Variants in KIDINS220 observed in about 807,000 individuals in gnomAD.
KIDINS220 encodes kinase D interacting substrate 220.
KIDINS220 carries 63 observed loss-of-function variants against 157.6 expected under a neutral mutation model. That is an observed-to-expected ratio of 0.40 (90% confidence interval 0.33 to 0.49). The LOEUF is 0.49. Ranked by LOEUF, KIDINS220 falls within the 20% of genes least tolerant of loss-of-function variation. KIDINS220 has a pLI of 0.66. For synonymous variants in KIDINS220, 732 were observed against 783.6 expected (o/e 0.93, Z 1.10); for missense variants, 1,772 against 2,171.2 (o/e 0.82, Z 3.65).
intron 1 of KIDINS220, among the ~76,000 whole-genome samples, chr2:8,833,135 C>T (rs996698736): frequency 5.3e-5 from 8 of 152,182 alleles, no homozygotes; most frequent in Non-Finnish European, 1.0e-4. Context: ...TGCTGCTGAA[C>T]ACTACAGCTT....
intron 1 of KIDINS220, among the ~76,000 whole-genome samples, chr2:8,828,392 C>T (rs1679135428): frequency 6.6e-6 from 1 of 152,226 alleles, no homozygotes; most frequent in Admixed American, 6.5e-5. Flanking sequence ...GTCCTGCTTT[C>T]ACTGCTCTCC....
intron 4 of KIDINS220, among the ~76,000 whole-genome samples, chr2:8,813,995 C>A (rs1198070573): frequency 6.6e-6 from 1 of 152,172 alleles, no homozygotes; most frequent in Non-Finnish European, 1.5e-5. Flanking sequence ...TCACTTCTTT[C>A]TATGAATTTA....
At chr2:8,813,928 A>T (rs1048067838) in intron 4 of KIDINS220, among the ~76,000 whole-genome samples, 50 of 152,066 alleles carry the variant, frequency 3.3e-4, no homozygotes, top group African/African-American at 1.1e-3. Context: ...CATCTCAAAT[A>T]AAAAAAAATT....
rs1478790272 is a variant in KIDINS220, at chr2:8,744,428, A to ATC, written c.3585+2716_3585+2717insGA. On this transcript the variant is annotated intron_variant, in intron 26 of 29. Transcript: ENST00000256707. ...TATATATATATATATATATATATATATATATATATATATATATGGGATCAT... is the reference window on the plus strand; with the variant it reads ...TATATATATATATATATATATATATATCTATATATATATATATATGGGATCAT... 6.7e-4 allele frequency among the ~76,000 whole-genome samples: 67 copies of ATC among 100,196 alleles called. 2 individuals carry two copies. The highest frequency in any genetic ancestry group is 9.4e-4 in the Non-Finnish European group (48 of 51,276). 65.7% of individuals were successfully genotyped at this position (100,196 alleles called of 152,430 possible).
At chr2:8,758,286 T>A (rs1668298142) in intron 22 of KIDINS220, among the ~76,000 whole-genome samples, 2 of 152,164 alleles carry the variant, frequency 1.3e-5, no homozygotes, top group Admixed American at 6.5e-5. Flanking sequence ...ATCCCCAAAT[T>A]AAAATCCTCA....
At chr2:8,753,444 T>C (rs961949301) in intron 22 of KIDINS220, among the ~76,000 whole-genome samples, 1 of 152,206 alleles carries the variant, frequency 6.6e-6, no homozygotes, top group African/African-American at 2.4e-5. Flanking sequence ...TGGAAAATTT[T>C]AGAACTGATG....
intron 22 of KIDINS220, among the ~76,000 whole-genome samples, chr2:8,753,585 C>T (rs985993345): frequency 6.6e-6 from 1 of 152,198 alleles, no homozygotes; most frequent in African/African-American, 2.4e-5. Flanking sequence ...GTTTAAAAAT[C>T]ACTGGATATA....
At position 8,734,263 on chromosome 2, in the gene KIDINS220, C is replaced by T. The variant is rs554387956; in HGVS notation, c.3816+392G>A. On this transcript the variant is annotated intron_variant, in intron 28 of 29. Transcript: ENST00000256707. Reference sequence around the variant, plus strand: ...TTTGATCAAATACTGAGGGTGATCACACATGTAAACTGACTTAACAGGATT... The same window carrying T: ...TTTGATCAAATACTGAGGGTGATCATACATGTAAACTGACTTAACAGGATT... Among the ~76,000 whole-genome samples the T allele has an allele frequency of 4.6e-5, 7 of 152,240 alleles. 1 individual carries two copies. Among genetic ancestry groups the T allele is most frequent in the African/African-American group, 1.7e-4 (7 of 41,540 alleles).
At chr2:8,773,046 A>ATTAAACACACAGAT (rs1310859467) in intron 21 of KIDINS220, among the ~76,000 whole-genome samples, 1 of 152,274 alleles carries the variant, frequency 6.6e-6, no homozygotes, top group African/African-American at 2.4e-5. Flanking sequence ...TCAAAATTTC[A>ATTAAACACACAGAT]TTAAACACAC....
At position 8,751,500 on chromosome 2, in the gene KIDINS220, T is replaced by C. The variant is rs749661551; in HGVS notation, c.3156A>G (p.Val1052=). The change falls in exon 23 of 30, where the codon GTA becomes GTG. Residue 1052 remains valine (V), a synonymous_variant. Coordinates refer to ENST00000256707, the MANE Select transcript of KIDINS220 (RefSeq NM_020738.4). ...TTTCCCGTAGTTTGGGATCTAGGTT[T>C]ACAGTGCATGGCAAAAAGACTTTTA... ...RDVKVFLPCT[V]NLDPKLREII... The C allele has an allele frequency of 4.3e-6, 7 of 1,612,724 alleles. No individual in the cohort carries two copies. In the South Asian group the frequency reaches 5.5e-5, roughly 13 times the overall value.
rs556498750 is a variant in KIDINS220 at position 8,795,415 on chromosome 2, C to T, written c.1098+1356G>A. On this transcript the variant is annotated intron_variant, in intron 11 of 29. Coordinates refer to ENST00000256707, the MANE Select transcript of KIDINS220 (RefSeq NM_020738.4). ...TAAATGCAGGGAGGATATTAGCATA[C>T]TTTGCTGACAGGCTGAAAATAATCA... 2.6e-4 allele frequency among the ~76,000 whole-genome samples: 40 copies of T among 152,318 alleles called. 1 individual carries two copies. Among genetic ancestry groups the T allele is most frequent in the Non-Finnish European group, 4.7e-4 (32 of 68,024 alleles).
intron 27 of KIDINS220, among the ~76,000 whole-genome samples, chr2:8,735,238 T>C (rs1214964737): frequency 6.6e-6 from 1 of 152,204 alleles, no homozygotes; most frequent in Non-Finnish European, 1.5e-5. Context: ...TTCCAGTCTA[T>C]TAAATTCACA....
chr2:8,747,346 T>C (rs1666726658), intron 25 of KIDINS220, 145 bp from the exon 26 acceptor site: 1 of 667,868 alleles, frequency 1.5e-6, no homozygotes. Context: ...AAAAACATAT[T>C]AATAGAGAGT....
intron 11 of KIDINS220, 54 bp downstream of exon 11, chr2:8,796,717 G>A (rs550351800): frequency 1.5e-6 from 2 of 1,313,036 alleles, no homozygotes; most frequent in African/African-American, 2.9e-5. Context: ...TCCATATAGA[G>A]GTCAGTCGAC....
At chr2:8,794,091 C>A in intron 11 of KIDINS220, 104 bp from the exon 12 acceptor site, 1 of 884,968 alleles carries the variant, frequency 1.1e-6, no homozygotes, top group Non-Finnish European at 1.6e-6. Flanking sequence ...CTGAACTTTT[C>A]TTATTTTTCA....
intron 1 of KIDINS220, among the ~76,000 whole-genome samples, chr2:8,831,291 C>G (rs1434850660): frequency 2.0e-5 from 3 of 152,098 alleles, no homozygotes; most frequent in Non-Finnish European, 4.4e-5. Flanking sequence ...ACCATTCCAG[C>G]CTTATCTTTC....
intron 28 of KIDINS220, among the ~76,000 whole-genome samples, chr2:8,733,928 C>A (rs1340496694): frequency 6.6e-6 from 1 of 152,178 alleles, no homozygotes; most frequent in Non-Finnish European, 1.5e-5. Context: ...TAAATTATTA[C>A]TTCTGTTTAA....
rs1418294552 is a variant in KIDINS220, at chr2:8,731,478, G to A, written c.4558C>T (p.Pro1520Ser). Residue 1520 changes from proline (P) to serine (S), a missense_variant, in exon 30 of 30, where the codon CCA becomes TCA. By Grantham distance (74) the Pro-to-Ser change is moderately conservative. Coordinates refer to ENST00000256707, the MANE Select transcript of KIDINS220 (RefSeq NM_020738.4). The surrounding 1 kb of genome is among the most constrained non-coding windows in gnomAD (Gnocchi z 5.2). ...KGSGLRYQKL[P>S]SDEDESGTEE... ...GTGCCAGATTCATCCTCGTCACTTG[G>A]GAGTTTTTGATAGCGCAGCCCACTT... The A allele has an allele frequency of 1.2e-6, 2 of 1,614,020 alleles. No individual in the cohort carries two copies. The highest frequency in any genetic ancestry group is 1.7e-6 in the Non-Finnish European group (2 of 1,180,028).
rs753065939 is a variant in KIDINS220 at position 8,730,965 on chromosome 2, G to A, written c.5071C>T (p.Pro1691Ser). The A allele has an allele frequency of 1.9e-6, 3 of 1,614,188 alleles. No individual in the cohort carries two copies. Among genetic ancestry groups the A allele is most frequent in the South Asian group, 1.1e-5 (1 of 91,086 alleles). The change falls in exon 30 of 30, where the codon CCA (proline) becomes TCA (serine). Residue 1691 changes from proline (P) to serine (S), a missense_variant. By Grantham distance (74) the Pro-to-Ser change is moderately conservative (BLOSUM62 -1). Transcript: ENST00000256707. Reference protein sequence around the residue: ...STVTLNNNSAPANRANQNFDE... With the variant: ...STVTLNNNSASANRANQNFDE... ...AAATTTTGATTGGCTCTGTTGGCTG[G>A]AGCACTATTGTTGTTCAGAGTCACG...
Sources: allele counts gnomAD v4.1 joint callset (sites outside exome capture counted in the v4.1 genomes callset), GRCh38; gene constraint gnomAD v4.1.1; non-coding constraint Gnocchi (gnomAD v3.1); transcripts MANE v1.5; gene names NCBI Gene and HGNC (gene_info 2026-07-23, HGNC 2026-07-21).